Variants in HDAC5 observed in about 807,000 individuals in gnomAD.
HDAC5 encodes antigen NY-CO-9.
HDAC5 carries 25 observed loss-of-function variants against 133.3 expected under a neutral mutation model. The observed-to-expected ratio is 0.19, with a 90% CI of 0.14 to 0.26. The LOEUF (loss-of-function observed/expected upper bound fraction) is 0.26, where lower values mean the gene tolerates loss of function less well. Ranked by LOEUF, HDAC5 falls within the 10% of genes least tolerant of loss-of-function variation. The pLI is 1.00. For synonymous variants in HDAC5, 589 were observed against 610.8 expected, an observed-to-expected ratio of 0.96 and a Z score of 0.53; for missense variants, 1,041 against 1,460.5, an observed-to-expected ratio of 0.71 and a Z score of 4.68.
chr17:44,082,307 G>A (rs1246049230), intron 20 of HDAC5: 1 of 508,520 alleles, frequency 2.0e-6, no homozygotes, highest in African/African-American at 1.9e-5. Flanking sequence ...TACCGTTCAA[G>A]GTAGGAAATC....
In HDAC5 at chr17:44,083,664, G is replaced by A; in HGVS notation, c.2356-12C>T. 1 of 1,610,092 alleles carries A rather than the reference G, an allele frequency of 6.2e-7. No homozygotes were observed. The highest frequency in any genetic ancestry group is 8.5e-7 in the Non-Finnish European group (1 of 1,176,412). On this transcript the variant is annotated splice_polypyrimidine_tract_variant and intron_variant, in intron 17 of 26. Coordinates refer to ENST00000682912, the MANE Select transcript of HDAC5 (RefSeq NM_005474.5). ...GTGTCACTGTCCACCTGCAGGGCAG[G>A]AGAGCAGGTTTCAGTGTGCCCCCTG...
intron 3 of HDAC5, among the ~76,000 whole-genome samples, chr17:44,098,649 G>C (rs1268423994): frequency 1.3e-5 from 2 of 150,156 alleles, no homozygotes; most frequent in South Asian, 2.1e-4. Flanking sequence ...CTGAGGCAGG[G>C]AGAGTTGTTT....
chr17:44,119,550 C>T (rs757104937), intron 1 of HDAC5, among the ~76,000 whole-genome samples: 68 of 152,144 alleles, frequency 4.5e-4, no homozygotes, highest in Admixed American at 1.7e-3. Context: ...ATGGTGGGCT[C>T]GGGACTCATC....
intron 3 of HDAC5, among the ~76,000 whole-genome samples, chr17:44,102,024 C>T (rs1201354945): frequency 6.6e-6 from 1 of 152,226 alleles, no homozygotes; most frequent in Non-Finnish European, 1.5e-5. Flanking sequence ...AAAACAAAGC[C>T]TCCTCTCACA....
chr17:44,084,584 C>T lies in HDAC5; in HGVS notation c.2276G>A (p.Arg759Gln), dbSNP rs1402458298. ...TLLYGTSPLN[R>Q]QKLDSKKLLG... ...CAACTTCTTGCTGTCTAGCTTCTGC[C>T]GGTTGAGGGGACTGGTCCCATAGAG... Residue 759 changes from arginine (R) to glutamine (Q), a missense_variant, in exon 16 of 27, where the codon CGG becomes CAG. This residue lies in a region of HDAC5 where 31 missense variants were observed against 27.0 expected (regional missense o/e 1.15). Transcript: ENST00000682912. The T allele has an allele frequency of 1.9e-6, 3 of 1,614,006 alleles. No individual in the cohort carries two copies. The highest frequency in any genetic ancestry group is 2.2e-5 in the East Asian group (1 of 44,894).
At chr17:44,092,975 A>C in intron 6 of HDAC5, 117 bp downstream of exon 6, 1 of 720,772 alleles carries the variant, frequency 1.4e-6, no homozygotes, top group African/African-American at 1.8e-5. Context: ...TCCTGTCTCT[A>C]AGGAGAGATT....
chr17:44,087,459 C>T lies in HDAC5; in HGVS notation c.1837G>A (p.Ala613Thr), dbSNP rs2050722873. The T allele has an allele frequency of 6.9e-7, 1 of 1,450,608 alleles. No individual in the cohort carries two copies. The highest frequency in any genetic ancestry group is 1.1e-5 in the South Asian group (1 of 87,854). 89.9% of individuals were successfully genotyped at this position (1,450,608 alleles called of 1,614,324 possible). A position where few individuals can be genotyped will look rare whatever the true frequency, so the allele number is the denominator to read the frequency against. The change falls in exon 13 of 27, where the codon GCT (alanine) becomes ACT (threonine). Residue 613 changes from alanine to threonine, a missense_variant. By Grantham distance (58) the Ala-to-Thr change is moderately conservative. Transcript: ENST00000682912. ...QVKDEEGESG[A>T]EEGPDLEEPG... Reference sequence around the variant, plus strand: ...TCCTCCAAGTCGGGCCCCTCCTCAGCACCACTCTCGCCCTCCTCGTCCTTA... The same window carrying T: ...TCCTCCAAGTCGGGCCCCTCCTCAGTACCACTCTCGCCCTCCTCGTCCTTA...
chr17:44,113,759 C>A (rs911602116), intron 2 of HDAC5, among the ~76,000 whole-genome samples: 1 of 152,228 alleles, frequency 6.6e-6, no homozygotes, highest in Non-Finnish European at 1.5e-5. Flanking sequence ...AAGAGCCTAA[C>A]CCTGGCTCCA....
At position 44,114,721 on chromosome 17, in the gene HDAC5, G is replaced by A. The variant is rs372261172; in HGVS notation, c.22+2773C>T. The stretch of plus-strand genomic sequence containing the variant: ...GCAGCTCCTCCAACCTGGTTGGGCC[G>A]AGTCTGAGCTGAGGGAAAGTTCTGT... On this transcript the variant is annotated intron_variant, in intron 2 of 26. Transcript: ENST00000682912. 5.1e-4 allele frequency among the ~76,000 whole-genome samples: 77 copies of A among 152,344 alleles called. No individual in the cohort carries two copies. The East Asian group carries it at 8.7e-3, about 17-fold the overall frequency.
rs1424319760 is a variant in HDAC5, at chr17:44,092,746, C to T, written c.702G>A (p.Thr234=). The T allele has an allele frequency of 1.1e-5, 13 of 1,181,620 alleles. No individual in the cohort carries two copies. Among genetic ancestry groups the T allele is most frequent in the African/African-American group, 1.8e-5 (1 of 56,458 alleles). The allele number at this position is 1,181,620 out of a possible 1,614,324, so 73.2% of individuals were successfully genotyped here. ...SSPPQSGPPG[T]PPSYKLPLPG... is the part of the protein sequence containing the mutation. ...GCAAAGGCAGTTTGTAGGAGGGAGGCGTCCCAGGGGGGCCGCTCTGGGGAG... is the reference window on the plus strand; with the variant it reads ...GCAAAGGCAGTTTGTAGGAGGGAGGTGTCCCAGGGGGGCCGCTCTGGGGAG... Residue 234 remains threonine, a synonymous_variant, in exon 7 of 27, where the codon ACG becomes ACA. Coordinates refer to ENST00000682912, the MANE Select transcript of HDAC5 (RefSeq NM_005474.5).
intron 1 of HDAC5, among the ~76,000 whole-genome samples, chr17:44,118,570 C>T (rs547174641): frequency 2.6e-5 from 4 of 152,302 alleles, no homozygotes; most frequent in East Asian, 1.9e-4. Flanking sequence ...TACAGGACCA[C>T]GGCTTTGCCA....
At chr17:44,102,540 T>C (rs1265328090) in intron 3 of HDAC5, among the ~76,000 whole-genome samples, 1 of 151,940 alleles carries the variant, frequency 6.6e-6, no homozygotes, top group Non-Finnish European at 1.5e-5. Flanking sequence ...TTTGTATTTT[T>C]AGTAGAGACG....
At chr17:44,119,595 A>G (rs997319010) in intron 1 of HDAC5, among the ~76,000 whole-genome samples, 6 of 152,212 alleles carry the variant, frequency 3.9e-5, no homozygotes, top group African/African-American at 1.4e-4. Context: ...AAAATTCAGC[A>G]GGATCCCTGG....
Position 44,091,390 on chromosome 17 carries a change from T to G in HDAC5, c.1267A>C (p.Ile423Leu). ...GCCACGCCCAGCAGGCAGCCAGGAA[T>G]AGAGGATGTGCTCATGAACTTGCCG... ...LTGKFMSTSS[I>L]PGCLLGVALE... The change falls in exon 11 of 27, where the codon ATT becomes CTT. Residue 423 changes from isoleucine to leucine, a missense_variant. By Grantham distance (5) the Ile-to-Leu change is conservative. Coordinates refer to ENST00000682912, the MANE Select transcript of HDAC5 (RefSeq NM_005474.5). 2 of 1,583,726 alleles carry G rather than the reference T, an allele frequency of 1.3e-6. No individual in the cohort carries two copies. Among genetic ancestry groups the G allele is most frequent in the Non-Finnish European group, 1.7e-6 (2 of 1,165,296 alleles).
chr17:44,117,018 G>A lies in HDAC5; in HGVS notation c.22+476C>T, dbSNP rs1460813320. Among the ~76,000 whole-genome samples the A allele has an allele frequency of 2.0e-5, 3 of 152,196 alleles. No homozygotes were observed. Among genetic ancestry groups the A allele is most frequent in the Non-Finnish European group, 2.9e-5 (2 of 68,030 alleles). On this transcript the variant is annotated intron_variant, in intron 2 of 26. Transcript: ENST00000682912. The surrounding 1 kb of genome is among the most constrained non-coding windows in gnomAD (Gnocchi z 4.2). ...CCACGCACCTGCACACGGAGGTTAA[G>A]GCCCAGTGCCCTTGTAAACCTCCAC...
At chr17:44,112,517 T>C (rs1013122367) in intron 2 of HDAC5, among the ~76,000 whole-genome samples, 2 of 152,044 alleles carry the variant, frequency 1.3e-5, no homozygotes, top group Admixed American at 6.5e-5. Flanking sequence ...GCCCCCTCCT[T>C]GACCCCCACT....
chr17:44,079,113 T>G, intron 24 of HDAC5, 31 bp downstream of exon 24: 1 of 1,600,066 alleles, frequency 6.2e-7, no homozygotes, highest in South Asian at 1.1e-5. Context: ...ACCTCTGGCC[T>G]GCCACCTCCC....
intron 3 of HDAC5, among the ~76,000 whole-genome samples, chr17:44,094,073 G>T (rs1454521117): frequency 6.6e-6 from 1 of 152,186 alleles, no homozygotes; most frequent in East Asian, 1.9e-4. Context: ...GTAATCTCAG[G>T]TTAGTTTGGG....
chr17:44,116,742 C>CATG (rs1410156614), intron 2 of HDAC5, among the ~76,000 whole-genome samples: 4 of 152,130 alleles, frequency 2.6e-5, no homozygotes, highest in Non-Finnish European at 5.9e-5. Flanking sequence ...GCTCAGGCCA[C>CATG]TAGAACACAG....
Sources: gnomAD v4.1 joint callset for allele counts (sites outside exome capture counted in the v4.1 genomes callset) on GRCh38, gnomAD v4.1.1 for gene constraint, gnomAD v4.1.1 regional missense constraint, Gnocchi (gnomAD v3.1) non-coding constraint, MANE v1.5 for transcripts, NCBI Gene and HGNC (gene_info 2026-07-23, HGNC 2026-07-21) for gene names.